Variants in BICD1 observed in about 807,000 individuals in gnomAD.
BICD1 encodes protein bicaudal D homolog 1.
Under a neutral mutation model 92.5 loss-of-function variants are expected in BICD1, and 35 were observed. That is an observed-to-expected ratio of 0.38 (90% confidence interval 0.29 to 0.50). The LOEUF (loss-of-function observed/expected upper bound fraction) is 0.50, where lower values mean the gene tolerates loss of function less well. BICD1 is among the 20% of genes least tolerant of loss of function. The pLI is 0.93. For missense variants in BICD1, 950 were observed against 1,189.8 expected (o/e 0.80, Z 2.97); for synonymous variants, 429 against 465.1 (o/e 0.92, Z 1.00).
chr12:32,260,499 A>ATG (rs973621209), intron 2 of BICD1, among the ~76,000 whole-genome samples: 1 of 151,910 alleles, frequency 6.6e-6, no homozygotes, highest in Non-Finnish European at 1.5e-5. Context: ...ACTCGCATGC[A>ATG]TGTGTGTGTG....
chr12:32,113,364 AT>A (rs1941768353), intron 1 of BICD1, among the ~76,000 whole-genome samples: 1 of 152,070 alleles, frequency 6.6e-6, no homozygotes, highest in African/African-American at 2.4e-5. Context: ...AGAGGGTGAA[AT>A]TGATGCTCAA....
chr12:32,207,493 C>A (rs928778842), intron 1 of BICD1, among the ~76,000 whole-genome samples: 11 of 151,946 alleles, frequency 7.2e-5, no homozygotes, highest in Admixed American at 7.2e-4. Flanking sequence ...ATGATTAAAT[C>A]AGTTAAGAAT....
At chr12:32,374,734 A>ATTTTTTTTTTTTT (rs1179747608) in intron 9 of BICD1, among the ~76,000 whole-genome samples, 34 of 80,082 alleles carry the variant, frequency 4.2e-4, no homozygotes, top group African/African-American at 8.8e-4. Context: ...CGCCCGGCTA[A>ATTTTTTTTTTTTT]TTTTTTTTTT....
At chr12:32,204,082 C>T (rs923607399) in intron 1 of BICD1, among the ~76,000 whole-genome samples, 1 of 152,162 alleles carries the variant, frequency 6.6e-6, no homozygotes, top group African/African-American at 2.4e-5. Flanking sequence ...GGCGTGGTGG[C>T]TCACACCTGT....
intron 1 of BICD1, among the ~76,000 whole-genome samples, chr12:32,176,195 A>G (rs1395509279): frequency 1.3e-5 from 2 of 152,186 alleles, no homozygotes; most frequent in African/African-American, 4.8e-5. Flanking sequence ...TGAACTTCAC[A>G]TGTAAGTCTC....
intron 5 of BICD1, among the ~76,000 whole-genome samples, chr12:32,332,205 A>C (rs1224900375): frequency 6.6e-6 from 1 of 152,146 alleles, no homozygotes; most frequent in Non-Finnish European, 1.5e-5. Flanking sequence ...GGAACAACAC[A>C]CACTGGTTCC....
chr12:32,287,776 A>T (rs1450628330), intron 2 of BICD1, among the ~76,000 whole-genome samples: 1 of 152,088 alleles, frequency 6.6e-6, no homozygotes, highest in Admixed American at 6.5e-5. Context: ...TGACCTTGTG[A>T]TCCGCCCGCC....
intron 1 of BICD1, among the ~76,000 whole-genome samples, chr12:32,215,924 A>G (rs1945343422): frequency 7.7e-6 from 1 of 129,766 alleles, no homozygotes; most frequent in Admixed American, 1.0e-4. Flanking sequence ...ACTGCCCTCC[A>G]GCCTGGGCGA....
chr12:32,221,571 G>T (rs1228598888), intron 2 of BICD1, among the ~76,000 whole-genome samples: 5 of 151,512 alleles, frequency 3.3e-5, no homozygotes, highest in Admixed American at 3.3e-4. Context: ...GTCCCTAGAT[G>T]CTTGGGAGTT....
At chr12:32,243,915 C>T (rs1179212468) in intron 2 of BICD1, among the ~76,000 whole-genome samples, 2 of 152,068 alleles carry the variant, frequency 1.3e-5, no homozygotes, top group Admixed American at 1.3e-4. Context: ...AAAAATCTTC[C>T]CCTAAATGGC....
At chr12:32,346,580 AT>A (rs1938605225) in intron 8 of BICD1, among the ~76,000 whole-genome samples, 6 of 17,716 alleles carry the variant, frequency 3.4e-4, no homozygotes, top group Non-Finnish European at 4.3e-4. Flanking sequence ...ATATATATAT[AT>A]ACGTGTATAT....
At chr12:32,363,804 T>C (rs572552859) in intron 8 of BICD1, among the ~76,000 whole-genome samples, 1 of 152,344 alleles carries the variant, frequency 6.6e-6, no homozygotes, top group Non-Finnish European at 1.5e-5. Flanking sequence ...GCTCAGCCCT[T>C]GGACCATACA....
intron 1 of BICD1, among the ~76,000 whole-genome samples, chr12:32,113,459 G>T (rs191531424): frequency 6.6e-6 from 1 of 152,012 alleles, no homozygotes; most frequent in Non-Finnish European, 1.5e-5. Flanking sequence ...ACAGCTCACC[G>T]CAACCTTAAC....
intron 2 of BICD1, among the ~76,000 whole-genome samples, chr12:32,277,666 G>T (rs942714413): frequency 1.1e-4 from 17 of 152,150 alleles, no homozygotes; most frequent in African/African-American, 3.9e-4. Context: ...CATACCCAAA[G>T]AATAAACAAA....
Position 32,328,690 on chromosome 12 carries a change from A to G in BICD1, c.2100+135A>G, listed in dbSNP as rs192588537. ...GTAAGTGGATAAATAAAACTGTCCC[A>G]GTGCCAGATCAGAATGTCATAATAA... is the stretch of plus-strand genomic sequence containing the variant. On this transcript the variant is annotated intron_variant, in intron 5 of 9. Coordinates refer to ENST00000652176, the MANE Select transcript of BICD1 (RefSeq NM_001714.4). This position sits in a 1 kb window ranked among gnomAD's most constrained non-coding sequence, Gnocchi z 4.4. 7.4e-6 allele frequency: 9 copies of G among 1,216,104 alleles called. No homozygotes were observed. The African/African-American group carries it at 9.1e-5, about 12-fold the overall frequency. 75.3% of individuals were successfully genotyped at this position (1,216,104 alleles called of 1,614,324 possible). A position where few individuals can be genotyped will look rare whatever the true frequency, so the allele number is the denominator to read the frequency against.
intron 2 of BICD1, among the ~76,000 whole-genome samples, chr12:32,219,469 T>C (rs1230404307): frequency 6.6e-6 from 1 of 152,184 alleles, no homozygotes; most frequent in Non-Finnish European, 1.5e-5. Flanking sequence ...TTGTAAAATT[T>C]ATGTTAAGAT....
chr12:32,307,373 C>T (rs1414374360), intron 4 of BICD1, among the ~76,000 whole-genome samples: 1 of 152,198 alleles, frequency 6.6e-6, no homozygotes, highest in East Asian at 1.9e-4. Context: ...AAATCGCTTT[C>T]TAGTTTAGAG....
Position 32,377,521 on chromosome 12 carries a change from G to A in BICD1, c.2841-19G>A. 6.2e-7 allele frequency: 1 copy of A among 1,605,220 alleles called. No individual in the cohort carries two copies. Among genetic ancestry groups the A allele is most frequent in the Non-Finnish European group, 8.5e-7 (1 of 1,172,014 alleles). On this transcript the variant is annotated intron_variant, in intron 9 of 9. Transcript: ENST00000652176. Reference sequence around the variant, plus strand: ...TTTGAAATGTGTTTCTTGCTGACGTGCTTGTTTCTCCTTTCCAGTCCTGAC... The same window carrying A: ...TTTGAAATGTGTTTCTTGCTGACGTACTTGTTTCTCCTTTCCAGTCCTGAC...
In BICD1 at chr12:32,294,021, A is replaced by G; in HGVS notation, c.454A>G (p.Ile152Val). 6.2e-7 allele frequency: 1 copy of G among 1,613,630 alleles called. No homozygotes were observed. Among genetic ancestry groups the G allele is most frequent in the Non-Finnish European group, 8.5e-7 (1 of 1,179,872 alleles). ...ENNEMVELQR[I>V]RMKDEIREYK... Reference sequence around the variant, plus strand: ...CAATGAGATGGTGGAGCTACAGAGAATACGGATGAAGGATGAAATCCGAGA... The same window carrying G: ...CAATGAGATGGTGGAGCTACAGAGAGTACGGATGAAGGATGAAATCCGAGA... Residue 152 changes from isoleucine to valine, a missense_variant, in exon 3 of 10, where the codon ATA (isoleucine) becomes GTA (valine). By Grantham distance (29) the Ile-to-Val change is conservative (BLOSUM62 3). Transcript: ENST00000652176.
Sources: gnomAD v4.1 joint callset for allele counts (sites outside exome capture counted in the v4.1 genomes callset) on GRCh38, gnomAD v4.1.1 for gene constraint, Gnocchi (gnomAD v3.1) non-coding constraint, MANE v1.5 for transcripts, NCBI Gene and HGNC (gene_info 2026-07-23, HGNC 2026-07-21) for gene names.